MID1: variants seen among roughly 807,000 people sequenced by gnomAD.
MID1 encodes the protein midline 1.
Under a neutral mutation model 40.4 loss-of-function variants are expected in MID1, and 7 were observed. The observed-to-expected ratio is 0.17, with a 90% CI of 0.10 to 0.33. MID1 has a LOEUF of 0.33. Ranked by LOEUF, MID1 falls within the 10% of genes least tolerant of loss-of-function variation. The pLI, the probability that MID1 is intolerant of heterozygous loss-of-function variation, is 1.00. For missense variants in MID1, 367 were observed against 558.5 expected (o/e 0.66, Z 3.46); for synonymous variants, 229 against 221.2 (o/e 1.04, Z -0.31).
chrX:10,736,777 T>G (rs1661136560), intron 1 of MID1, among the ~76,000 whole-genome samples: 1 of 112,525 alleles, frequency 8.9e-6, no homozygotes, highest in Admixed American at 9.4e-5. Context: ...TGCTTAAATC[T>G]AACTTAACCT....
intron 3 of MID1, among the ~76,000 whole-genome samples, chrX:10,515,186 C>A (rs1374738564): frequency 1.8e-5 from 2 of 112,309 alleles, no homozygotes; most frequent in Non-Finnish European, 3.8e-5. Flanking sequence ...ACAAATGGTT[C>A]ATCTTTCTTT....
At chrX:10,484,920 G>A (rs1457561145) in intron 4 of MID1, among the ~76,000 whole-genome samples, 1 of 110,800 alleles carries the variant, frequency 9.0e-6, no homozygotes, top group Non-Finnish European at 1.9e-5. Flanking sequence ...TTTTGTGTGT[G>A]TGCATGCGTG....
chrX:10,736,007 G>A (rs940718308), intron 1 of MID1, among the ~76,000 whole-genome samples: 2 of 112,321 alleles, frequency 1.8e-5, no homozygotes, highest in African/African-American at 6.5e-5. Flanking sequence ...CTCTACCATG[G>A]AGTAATATTG....
chrX:10,578,519 C>T (rs1302674947), intron 1 of MID1, among the ~76,000 whole-genome samples: 1 of 112,659 alleles, frequency 8.9e-6, no homozygotes, highest in Non-Finnish European at 1.9e-5. Flanking sequence ...TGACAACTTG[C>T]AGATGAAATT....
intron 1 of MID1, among the ~76,000 whole-genome samples, chrX:10,667,267 G>A (rs930765437): frequency 2.7e-5 from 3 of 111,729 alleles, no homozygotes; most frequent in African/African-American, 9.8e-5. Context: ...GGAATTTGTT[G>A]AAGGAAAATA....
rs770921462 is a variant in MID1 at position 10,592,581 on chromosome X, T to C, written c.-56-24978A>G. ...TCACAGTGAGGGCATTAACTACTCA[T>C]GTTTCTTTAAACACTTCTGCCAAGG... is the stretch of plus-strand genomic sequence containing the variant. On this transcript the variant is annotated intron_variant, in intron 1 of 9. Coordinates refer to ENST00000317552, the MANE Select transcript of MID1 (RefSeq NM_000381.4). Among the ~76,000 whole-genome samples the C allele has an allele frequency of 2.3e-4, 26 of 110,953 alleles. 1 individual carries two copies. Among genetic ancestry groups the C allele is most frequent in the Non-Finnish European group, 4.3e-4 (23 of 53,017 alleles).
At chrX:10,765,750 A>T (rs1230271176) in intron 1 of MID1, among the ~76,000 whole-genome samples, 1 of 110,778 alleles carries the variant, frequency 9.0e-6, no homozygotes, top group Non-Finnish European at 1.9e-5. Flanking sequence ...CCAATACCAT[A>T]TGAAAATAAA....
At chrX:10,668,575 A>G (rs1602506582) in intron 1 of MID1, among the ~76,000 whole-genome samples, 1 of 112,572 alleles carries the variant, frequency 8.9e-6, no homozygotes, top group East Asian at 2.8e-4. Flanking sequence ...AATAGATATT[A>G]TCAAATAAAA....
intron 5 of MID1, among the ~76,000 whole-genome samples, chrX:10,478,522 C>T (rs1930136533): frequency 8.9e-6 from 1 of 111,873 alleles, no homozygotes; most frequent in African/African-American, 3.2e-5. Flanking sequence ...TGTGCTGGGG[C>T]TATAATGGTA....
At chrX:10,719,890 G>A (rs1180355336) in intron 1 of MID1, among the ~76,000 whole-genome samples, 1 of 111,118 alleles carries the variant, frequency 9.0e-6, no homozygotes, top group Non-Finnish European at 1.9e-5. Context: ...CAGAAATAAT[G>A]CTGCATATCT....
chrX:10,630,444 G>A (rs1182422177), intron 1 of MID1, among the ~76,000 whole-genome samples: 2 of 110,715 alleles, frequency 1.8e-5, no homozygotes, highest in Non-Finnish European at 1.9e-5. Context: ...CTCAACCAAC[G>A]CAGGAAGCCT....
At chrX:10,585,686 G>GGGGTCAGT (rs1289821705) in intron 1 of MID1, among the ~76,000 whole-genome samples, 3 of 110,796 alleles carry the variant, frequency 2.7e-5, no homozygotes, top group African/African-American at 9.9e-5. Flanking sequence ...ACTGACCACT[G>GGGGTCAGT]GTACAGGAAG....
chrX:10,720,127 C>T (rs1337817937), intron 1 of MID1, among the ~76,000 whole-genome samples: 1 of 111,881 alleles, frequency 8.9e-6, no homozygotes, highest in Non-Finnish European at 1.9e-5. Flanking sequence ...CCATTCAGGA[C>T]ATAGGCATGG....
intron 1 of MID1, among the ~76,000 whole-genome samples, chrX:10,592,272 GT>G (rs1935321411): frequency 2.5e-5 from 1 of 39,656 alleles, no homozygotes; most frequent in Non-Finnish European, 4.1e-5. Context: ...TAGGGACTGC[GT>G]TAAAAAAAAA....
rs182714640 is a variant in MID1 at position 10,796,087 on chromosome X, T to C, written c.-187+37467A>G. ...ATAAGCAAGAAATCTGCCATAAATC[T>C]TCATCAGCCTTCTTGTGTAAAGCTG... On this transcript the variant is annotated intron_variant, in intron 1 of 10. Transcript: ENST00000380785. Among the ~76,000 whole-genome samples, 6 of 112,337 alleles carry C rather than the reference T, an allele frequency of 5.3e-5. 1 individual carries two copies. The highest frequency in any genetic ancestry group is 4.7e-4 in the Admixed American group (5 of 10,584).
At chrX:10,641,246 A>G (rs920780085) in intron 1 of MID1, among the ~76,000 whole-genome samples, 5 of 111,972 alleles carry the variant, frequency 4.5e-5, no homozygotes, top group African/African-American at 1.6e-4. Flanking sequence ...TTTTTTGAAA[A>G]GATCAACAAA....
At chrX:10,712,070 T>C (rs1429753924) in intron 1 of MID1, among the ~76,000 whole-genome samples, 1 of 112,067 alleles carries the variant, frequency 8.9e-6, no homozygotes, top group African/African-American at 3.2e-5. Flanking sequence ...GGATTCAAAG[T>C]CCATATTTAA....
At position 10,459,673 on chromosome X, in the gene MID1, T is replaced by TGCTGCG. The variant is rs748883619; in HGVS notation, c.1414_1419dup (p.Arg472_Ser473dup). ...TTTGTCTTCAACTTCCCAGGCTCACTGCTGCGGCTGCCCGCCTGGTTGATG... is the reference window on the plus strand; with the variant it reads ...TTTGTCTTCAACTTCCCAGGCTCACTGCTGCGGCTGCGGCTGCCCGCCTGGTTGATG... On this transcript the variant is annotated inframe_insertion, in exon 8 of 10. Transcript: ENST00000317552. 1.4e-5 allele frequency: 17 copies of TGCTGCG among 1,211,691 alleles called. No homozygotes were observed. Among genetic ancestry groups the TGCTGCG allele is most frequent in the Admixed American group, 2.2e-5 (1 of 46,096 alleles).
intron 9 of MID1, among the ~76,000 whole-genome samples, chrX:10,451,548 A>G (rs1928339953): frequency 1.8e-5 from 2 of 111,281 alleles, no homozygotes; most frequent in Admixed American, 1.9e-4. Context: ...TCATCTGTTT[A>G]TTTGATACAC....
Sources: allele counts gnomAD v4.1 joint callset (sites outside exome capture counted in the v4.1 genomes callset), GRCh38; gene constraint gnomAD v4.1.1; transcripts MANE v1.5; gene names NCBI Gene and HGNC (gene_info 2026-07-23, HGNC 2026-07-21).